Variants in MRPL46 observed in about 807,000 individuals in gnomAD.
MRPL46 encodes the protein mitochondrial ribosomal protein L46.
A neutral mutation model predicts 31.0 loss-of-function variants in MRPL46; 26 were observed. The observed-to-expected ratio is 0.84, with a 90% confidence interval of 0.61 to 1.16. The LOEUF is 1.16. Ranked by LOEUF, MRPL46 falls within the 50% of genes most tolerant of loss-of-function variation. The probability of loss-of-function intolerance (pLI) is 0.00; values close to 1 mark genes in which losing one functional copy is unlikely to be tolerated. For synonymous variants in MRPL46, 159 were observed against 141.3 expected (o/e 1.13, Z -0.89); for missense variants, 395 against 340.0 (o/e 1.16, Z -1.27).
chr15:88,465,694 G>C lies in MRPL46; in HGVS notation c.308C>G (p.Ala103Gly). The change falls in exon 2 of 4, where the codon GCT (alanine) becomes GGT (glycine). Residue 103 changes from alanine (A) to glycine (G), a missense_variant. Physicochemically the swap from Ala to Gly is moderately conservative, Grantham distance 60 (BLOSUM62 0). Transcript: ENST00000312475. ...TTCATCTTCTTCATCATGAAGGTCA[G>C]CTTTCTTCTTTGCCAGTCGCTGGTT... ...DENQRLAKKKADLHDEEDEQD... is the reference protein window; with the variant it reads ...DENQRLAKKKGDLHDEEDEQD... 6.2e-7 allele frequency: 1 copy of C among 1,613,956 alleles called. No individual in the cohort carries two copies. The highest frequency in any genetic ancestry group is 8.5e-7 in the Non-Finnish European group (1 of 1,180,010).
chr15:88,465,738 C>T lies in MRPL46; in HGVS notation c.264G>A (p.Glu88=). The T allele has an allele frequency of 6.2e-7, 1 of 1,612,794 alleles. No homozygotes were observed. Among genetic ancestry groups the T allele is most frequent in the East Asian group, 2.2e-5 (1 of 44,840 alleles). Residue 88 remains glutamate, a synonymous_variant, in exon 2 of 4, where the codon GAG becomes GAA. Coordinates refer to ENST00000312475, the MANE Select transcript of MRPL46 (RefSeq NM_022163.4). ...EIERSLYSDH[E]LRALDENQRL... is the part of the protein sequence containing the mutation. ...GCTGGTTTTCATCCAGAGCACGAAG[C>T]TCGTGGTCTGAATACAGGCTTCTCT...
At chr15:88,464,936 T>A (rs999177733) in intron 2 of MRPL46, 60 bp from the exon 3 acceptor site, 1 of 1,545,566 alleles carries the variant, frequency 6.5e-7, no homozygotes, top group African/African-American at 1.4e-5. Context: ...CCAAGAAACC[T>A]GGAGTTTTAC....
At chr15:88,459,969 G>A (rs2055462485) in intron 3 of MRPL46, 106 bp from the exon 4 acceptor site, 6 of 1,400,974 alleles carry the variant, frequency 4.3e-6, no homozygotes, top group Non-Finnish European at 5.8e-6. Context: ...CTGGCCCTGA[G>A]GTAAAATCAA....
intron 1 of MRPL46, among the ~76,000 whole-genome samples, 164 bp downstream of exon 1, chr15:88,466,986 G>GA (rs1373070296): frequency 6.6e-6 from 1 of 152,184 alleles, no homozygotes; most frequent in Non-Finnish European, 1.5e-5. Flanking sequence ...CACGGCCAAT[G>GA]AAAAGAAACC....
chr15:88,459,924 C>G (rs890107045), intron 3 of MRPL46, 61 bp from the exon 4 acceptor site: 1 of 1,588,294 alleles, frequency 6.3e-7, no homozygotes, highest in Non-Finnish European at 8.6e-7. Flanking sequence ...TCTGTTTACT[C>G]TGGCTCCCAA....
At position 88,467,237 on chromosome 15, in the gene MRPL46, C is replaced by T. The variant is rs558985056; in HGVS notation, c.141G>A (p.Leu47=). ...APSSNGSPWR[L]LGALCLQRPP... Reference sequence around the variant, plus strand: ...GCCGCTGCAGGCACAACGCGCCCAACAAGCGCCATGGGGATCCGTTGCTTG... The same window carrying T: ...GCCGCTGCAGGCACAACGCGCCCAATAAGCGCCATGGGGATCCGTTGCTTG... Residue 47 remains leucine, a synonymous_variant, in exon 1 of 4, where the codon TTG becomes TTA. Coordinates refer to ENST00000312475, the MANE Select transcript of MRPL46 (RefSeq NM_022163.4). 1.2e-6 allele frequency: 2 copies of T among 1,614,148 alleles called. No homozygotes were observed. Among genetic ancestry groups the T allele is most frequent in the South Asian group, 2.2e-5 (2 of 91,086 alleles).
At chr15:88,460,049 C>T (rs1281393442) in intron 3 of MRPL46, 186 bp from the exon 4 acceptor site, 4 of 674,340 alleles carry the variant, frequency 5.9e-6, no homozygotes, top group Non-Finnish European at 7.3e-6. Context: ...TGCCTCCTGG[C>T]CCATGGAGTC....
chr15:88,459,915 CT>C, intron 3 of MRPL46, 52 bp from the exon 4 acceptor site: 1 of 1,598,806 alleles, frequency 6.3e-7, no homozygotes, highest in African/African-American at 1.3e-5. Context: ...ATACAGCCAT[CT>C]GTTTACTCTG....
At chr15:88,461,804 G>A (rs1352221715) in intron 3 of MRPL46, 1 of 152,152 alleles carries the variant, frequency 6.6e-6, no homozygotes, top group Admixed American at 6.5e-5. Context: ...CTGCAGCTTT[G>A]TTTGTAAAAA....
At chr15:88,466,521 A>G (rs577326556) in intron 1 of MRPL46, among the ~76,000 whole-genome samples, 2 of 152,222 alleles carry the variant, frequency 1.3e-5, no homozygotes, top group Non-Finnish European at 2.9e-5. Context: ...TATGGGCACA[A>G]TGAACATCTG....
At chr15:88,465,442 A>C in intron 2 of MRPL46, 145 bp downstream of exon 2, 1 of 846,898 alleles carries the variant, frequency 1.2e-6, no homozygotes, top group Non-Finnish European at 1.7e-6. Flanking sequence ...TTTAAGTCGT[A>C]TTATGGTAGA....
In MRPL46 at chr15:88,464,724, G is replaced by A. The variant is rs377122463; in HGVS notation, c.568C>T (p.Arg190Ter). The change falls in exon 3 of 4, where the codon CGA (arginine) becomes TGA (stop). Residue 190 changes from arginine (R) to a stop codon, truncating the protein, a stop_gained. Coordinates refer to ENST00000312475, the MANE Select transcript of MRPL46 (RefSeq NM_022163.4). LOFTEE classifies it high-confidence loss of function. ...CCACCTGAGAGTGTGGCCAGGGTTC[G>A]TTCAGCTGTTCCTCGAAGGGTCTCC... ...PGETLRGTAE[R>*]TLATLSENNM... 2.2e-5 allele frequency: 35 copies of A among 1,613,626 alleles called. No homozygotes were observed. Among genetic ancestry groups the A allele is most frequent in the East Asian group, 4.5e-5 (2 of 44,840 alleles).
At position 88,463,434 on chromosome 15, in the gene MRPL46, T is replaced by C. The variant is rs2055494462; in HGVS notation, c.589+1269A>G. On this transcript the variant is annotated intron_variant, in intron 3 of 3. Coordinates refer to ENST00000312475, the MANE Select transcript of MRPL46 (RefSeq NM_022163.4). This position sits in a 1 kb window ranked among gnomAD's most constrained non-coding sequence, Gnocchi z 5.4. Reference sequence around the variant, plus strand: ...GGGAGAAAAATGTGTTAGTAAACAATTATAGTGCAATGGCATAAGTGAAAG... The same window carrying C: ...GGGAGAAAAATGTGTTAGTAAACAACTATAGTGCAATGGCATAAGTGAAAG... 6.6e-6 allele frequency: 1 copy of C among 152,200 alleles called. No homozygotes were observed. Among genetic ancestry groups the C allele is most frequent in the African/African-American group, 2.4e-5 (1 of 41,452 alleles). The allele number at this position is 152,200 out of a possible 1,614,324, so 9.4% of individuals were successfully genotyped here.
chr15:88,463,099 C>A lies in MRPL46; in HGVS notation c.589+1604G>T, dbSNP rs115411437. 3.3e-5 allele frequency: 5 copies of A among 152,368 alleles called. No homozygotes were observed. The highest frequency in any genetic ancestry group is 7.3e-5 in the Non-Finnish European group (5 of 68,046). The allele number at this position is 152,368 out of a possible 1,614,324, so 9.4% of individuals were successfully genotyped here. A position where few individuals can be genotyped will look rare whatever the true frequency, so the allele number is the denominator to read the frequency against. On this transcript the variant is annotated intron_variant, in intron 3 of 3. Transcript: ENST00000312475. The surrounding 1 kb of genome is among the most constrained non-coding windows in gnomAD (Gnocchi z 5.4). ...TCCTCGCAAGAAACTCAGCTGCTGA[C>A]TCCTATGTGATGGCTGAGGAGACTG... is the stretch of plus-strand genomic sequence containing the variant.
chr15:88,459,524 A>G lies in MRPL46; in HGVS notation c.*89T>C. ...CTCAGAATTTAGTTTGCTGCTTGAT[A>G]TTACCTGCAAATGTGAGGCAATCAC... On this transcript the variant is annotated 3_prime_UTR_variant, in exon 4 of 4. Transcript: ENST00000312475. The G allele has an allele frequency of 6.4e-7, 1 of 1,557,374 alleles. No individual in the cohort carries two copies. Among genetic ancestry groups the G allele is most frequent in the South Asian group, 1.2e-5 (1 of 83,776 alleles).
Position 88,459,822 on chromosome 15 carries a change from C to T in MRPL46, c.631G>A (p.Gly211Arg), listed in dbSNP as rs2055460850. 5 of 1,614,080 alleles carry T rather than the reference C, an allele frequency of 3.1e-6. No homozygotes were observed. Among genetic ancestry groups the T allele is most frequent in the South Asian group, 2.2e-5 (2 of 91,080 alleles). Residue 211 changes from glycine (G) to arginine (R), a missense_variant, in exon 4 of 4, where the codon GGG becomes AGG. Coordinates refer to ENST00000312475, the MANE Select transcript of MRPL46 (RefSeq NM_022163.4). Reference protein sequence around the residue: ...EAKFLGNAPCGHYTFKFPQAM... With the variant: ...EAKFLGNAPCRHYTFKFPQAM... The stretch of plus-strand genomic sequence containing the variant: ...TGGGGGAACTTGAATGTGTAGTGCC[C>T]ACAGGGTGCATTTCCTAGGAACTTG...
At position 88,463,904 on chromosome 15, in the gene MRPL46, CAG is replaced by C. The variant is rs1276550118; in HGVS notation, c.589+797_589+798del. ...TTGGAAACCTTTTAAGAATTCCATG[CAG>C]AGAAGTGACAAGGGATGTGTGTTTC... On this transcript the variant is annotated intron_variant, in intron 3 of 3. Transcript: ENST00000312475. This position sits in a 1 kb window ranked among gnomAD's most constrained non-coding sequence, Gnocchi z 5.4. 6.6e-6 allele frequency: 1 copy of C among 152,158 alleles called. No individual in the cohort carries two copies. Among genetic ancestry groups the C allele is most frequent in the Non-Finnish European group, 1.5e-5 (1 of 68,042 alleles). 9.4% of individuals were successfully genotyped at this position (152,158 alleles called of 1,614,324 possible). A position where few individuals can be genotyped will look rare whatever the true frequency, so the allele number is the denominator to read the frequency against.
chr15:88,460,639 A>G (rs1385034527), intron 3 of MRPL46: 2 of 152,254 alleles, frequency 1.3e-5, no homozygotes, highest in African/African-American at 4.8e-5. Context: ...GATACCATAT[A>G]GATCAAAGAT....
Position 88,459,523 on chromosome 15 carries a change from T to C in MRPL46, c.*90A>G. The stretch of plus-strand genomic sequence containing the variant: ...TCTCAGAATTTAGTTTGCTGCTTGA[T>C]ATTACCTGCAAATGTGAGGCAATCA... On this transcript the variant is annotated 3_prime_UTR_variant, in exon 4 of 4. Coordinates refer to ENST00000312475, the MANE Select transcript of MRPL46 (RefSeq NM_022163.4). 6.4e-7 allele frequency: 1 copy of C among 1,551,354 alleles called. No individual in the cohort carries two copies. Among genetic ancestry groups the C allele is most frequent in the Admixed American group, 1.8e-5 (1 of 56,518 alleles).
Sources: gnomAD v4.1 joint callset for allele counts (sites outside exome capture counted in the v4.1 genomes callset) on GRCh38, gnomAD v4.1.1 for gene constraint, Gnocchi (gnomAD v3.1) non-coding constraint, MANE v1.5 for transcripts, NCBI Gene and HGNC (gene_info 2026-07-23, HGNC 2026-07-21) for gene names.